The following HPSE2 variants were observed in gnomAD, a reference collection of about 807,000 sequenced individuals.
HPSE2 encodes the protein inactive heparanase-2.
A neutral mutation model predicts 60.5 loss-of-function variants in HPSE2; 38 were observed. That is an observed-to-expected ratio of 0.63 (90% CI 0.48 to 0.82). The LOEUF (loss-of-function observed/expected upper bound fraction) is 0.82, where lower values mean the gene tolerates loss of function less well. Among genes scored for constraint, HPSE2 ranks in the 40% least tolerant of loss-of-function variants. HPSE2 has a pLI of 0.00. For synonymous variants in HPSE2, 295 were observed against 293.2 expected, an observed-to-expected ratio of 1.01 and a Z score of -0.06; for missense variants, 713 against 740.4, an observed-to-expected ratio of 0.96 and a Z score of 0.43.
the HPSE2 span, among the ~76,000 whole-genome samples, chr10:99,275,249 T>A: frequency 6.6e-6 from 1 of 152,188 alleles, no homozygotes; most frequent in Non-Finnish European, 1.5e-5. Context: ...AAAGACAAAC[T>A]GAGGTGAAAT....
chr10:99,084,853 A>T (rs1843265455), intron 3 of HPSE2, among the ~76,000 whole-genome samples: 1 of 152,236 alleles, frequency 6.6e-6, no homozygotes, highest in Admixed American at 6.5e-5. Flanking sequence ...ACTGCCTGAC[A>T]CACAGAAGGT....
chr10:98,461,665 C>A, intron 11 of HPSE2: 3 of 839,408 alleles, frequency 3.6e-6, no homozygotes, highest in South Asian at 1.8e-5. Flanking sequence ...ACCGATTAAT[C>A]TTTCTAAGGC....
intron 9 of HPSE2, among the ~76,000 whole-genome samples, chr10:98,517,811 A>C (rs1942651087): frequency 6.6e-6 from 1 of 152,198 alleles, no homozygotes; most frequent in Non-Finnish European, 1.5e-5. Context: ...AAGTCACTAA[A>C]CTGCTCTGAG....
At chr10:98,909,101 A>C (rs1160082554) in intron 3 of HPSE2, among the ~76,000 whole-genome samples, 2 of 152,186 alleles carry the variant, frequency 1.3e-5, no homozygotes, top group Non-Finnish European at 2.9e-5. Context: ...GTGGAGCCAC[A>C]AACAGAAATA....
intron 9 of HPSE2, among the ~76,000 whole-genome samples, chr10:98,546,693 T>TA: frequency 6.6e-6 from 1 of 151,086 alleles, no homozygotes; most frequent in Middle Eastern, 3.4e-3. Flanking sequence ...CCTAAAACCA[T>TA]AAAAACCCTA....
chr10:99,262,273 C>T, the HPSE2 span, among the ~76,000 whole-genome samples: 1 of 152,178 alleles, frequency 6.6e-6, no homozygotes, highest in Non-Finnish European at 1.5e-5. Flanking sequence ...AACTCCCCAA[C>T]TCTGGTGCCA....
At chr10:99,305,959 A>ACATACGCGTG in the HPSE2 span, among the ~76,000 whole-genome samples, 7 of 29,702 alleles carry the variant, frequency 2.4e-4, no homozygotes, top group African/African-American at 9.6e-4. Flanking sequence ...AAACTCACAC[A>ACATACGCGTG]CACGCGCGCG....
At chr10:98,636,300 C>T (rs567678662) in intron 7 of HPSE2, among the ~76,000 whole-genome samples, 2 of 150,710 alleles carry the variant, frequency 1.3e-5, no homozygotes, top group East Asian at 3.9e-4. Context: ...AGTGCAATGG[C>T]GTGGTCTTGG....
chr10:98,809,146 C>G (rs1168801393), intron 3 of HPSE2, among the ~76,000 whole-genome samples: 2 of 152,060 alleles, frequency 1.3e-5, no homozygotes, highest in Non-Finnish European at 2.9e-5. Context: ...TACAAAGGTT[C>G]ATTTGCAAAT....
chr10:98,775,942 C>T (rs1950330654), intron 3 of HPSE2, among the ~76,000 whole-genome samples: 1 of 152,138 alleles, frequency 6.6e-6, no homozygotes, highest in Admixed American at 6.5e-5. Context: ...AGGTTCCTCT[C>T]TATTATCTAA....
chr10:98,903,341 T>C (rs1305531365), intron 3 of HPSE2, among the ~76,000 whole-genome samples: 1 of 152,094 alleles, frequency 6.6e-6, no homozygotes, highest in Non-Finnish European at 1.5e-5. Context: ...TAAAATTGAT[T>C]GCAATATAAA....
chr10:99,308,188 G>C, the HPSE2 span, among the ~76,000 whole-genome samples: 1 of 151,728 alleles, frequency 6.6e-6, no homozygotes, highest in Non-Finnish European at 1.5e-5. Context: ...AGGAGTTCAA[G>C]ATTAGCCTGG....
intron 7 of HPSE2, among the ~76,000 whole-genome samples, chr10:98,632,780 A>G (rs886794947): frequency 6.6e-5 from 10 of 152,084 alleles, no homozygotes; most frequent in African/African-American, 2.4e-4. Context: ...TCCTTGTTTT[A>G]TTTTCCTTAT....
rs528318571 is a variant in HPSE2 at position 98,648,601 on chromosome 10, G to A, written c.1005-6661C>T. The stretch of plus-strand genomic sequence containing the variant: ...TTGAGACCAGCTTGGGCAACATAGC[G>A]AGACCCTCGTCTCTACAAAAAATAA... On this transcript the variant is annotated intron_variant, in intron 6 of 11. Transcript: ENST00000370552. 5.3e-5 allele frequency among the ~76,000 whole-genome samples: 8 copies of A among 152,060 alleles called. No homozygotes were observed. The East Asian group carries it at 7.7e-4, about 15-fold the overall frequency.
At chr10:98,584,723 A>G (rs1445723537) in intron 9 of HPSE2, among the ~76,000 whole-genome samples, 1 of 152,214 alleles carries the variant, frequency 6.6e-6, no homozygotes. Context: ...CTAAGATGCT[A>G]CCAAGAGTCT....
chr10:98,714,117 A>G (rs1213563846), intron 5 of HPSE2, among the ~76,000 whole-genome samples: 3 of 151,912 alleles, frequency 2.0e-5, no homozygotes, highest in East Asian at 1.9e-4. Flanking sequence ...TCTCTATATC[A>G]ATAATATTTC....
At chr10:98,578,756 C>T (rs1446064753) in intron 9 of HPSE2, among the ~76,000 whole-genome samples, 1 of 151,966 alleles carries the variant, frequency 6.6e-6, no homozygotes. Context: ...AGACACAAAC[C>T]GCCTTCATCT....
At chr10:99,135,629 G>A (rs1248246517) in intron 3 of HPSE2, among the ~76,000 whole-genome samples, 1 of 152,214 alleles carries the variant, frequency 6.6e-6, no homozygotes, top group Non-Finnish European at 1.5e-5. Context: ...GAAGGCAGAA[G>A]TAAAGACATT....
chr10:98,524,095 G>A (rs1053846465), intron 9 of HPSE2, among the ~76,000 whole-genome samples: 10 of 152,200 alleles, frequency 6.6e-5, no homozygotes, highest in African/African-American at 2.4e-4. Context: ...CAGTACAGTT[G>A]CACAAGGCCC....
Sources: gnomAD v4.1 joint callset for allele counts (sites outside exome capture counted in the v4.1 genomes callset) on GRCh38, gnomAD v4.1.1 for gene constraint, MANE v1.5 for transcripts, NCBI Gene and HGNC (gene_info 2026-07-23, HGNC 2026-07-21) for gene names.